SLC6A17: variants seen among roughly 807,000 people sequenced by gnomAD.
SLC6A17 encodes solute carrier family 6 member 17, also known as sodium-dependent neutral amino acid transporter SLC6A17.
A neutral mutation model predicts 64.5 loss-of-function variants in SLC6A17; 21 were observed. The observed-to-expected ratio is 0.33, with a 90% CI of 0.23 to 0.47. SLC6A17 has a LOEUF of 0.47. Among genes scored for constraint, SLC6A17 ranks in the 20% least tolerant of loss-of-function variants. SLC6A17 has a pLI of 1.00. For missense variants in SLC6A17, 682 were observed against 963.2 expected (o/e 0.71, Z 3.86); for synonymous variants, 372 against 399.5 (o/e 0.93, Z 0.82).
In SLC6A17 at chr1:110,172,153, G is replaced by A; in HGVS notation, c.380G>A (p.Gly127Asp). 1 of 1,613,126 alleles carries A rather than the reference G, an allele frequency of 6.2e-7. No homozygotes were observed. The highest frequency in any genetic ancestry group is 8.5e-7 in the Non-Finnish European group (1 of 1,179,606). The change falls in exon 3 of 12, where the codon GGC becomes GAC. Residue 127 changes from glycine to aspartate, a missense_variant. Gly to Asp is a moderately conservative substitution (Grantham distance 94, BLOSUM62 -1). Coordinates refer to ENST00000331565, the MANE Select transcript of SLC6A17 (RefSeq NM_001010898.4). ...GCTGTGGGTCAGAGGATCCGCCGCG[G>A]CAGCATCGGTGTGTGGCACTATATA... ...ELAVGQRIRR[G>D]SIGVWHYICP...
Position 110,190,621 on chromosome 1 carries a change from G to C in SLC6A17, c.865-1351G>C, listed in dbSNP as rs968951965. The stretch of plus-strand genomic sequence containing the variant: ...GTCCAACACCTCACTGTTCAGGTGA[G>C]GACTTACCCACAGGTACTCAGAAGG... On this transcript the variant is annotated intron_variant, in intron 6 of 11. Coordinates refer to ENST00000331565, the MANE Select transcript of SLC6A17 (RefSeq NM_001010898.4). 2.6e-5 allele frequency among the ~76,000 whole-genome samples: 4 copies of C among 152,192 alleles called. No individual in the cohort carries two copies. The East Asian group carries it at 7.7e-4, about 29-fold the overall frequency.
At chr1:110,160,701 G>A (rs1008892116) in intron 1 of SLC6A17, among the ~76,000 whole-genome samples, 1 of 152,236 alleles carries the variant, frequency 6.6e-6, no homozygotes, top group Non-Finnish European at 1.5e-5. Context: ...GGACCTAGAA[G>A]GCTTCAGCTG....
intron 6 of SLC6A17, among the ~76,000 whole-genome samples, chr1:110,187,765 G>A (rs1359417923): frequency 6.6e-6 from 1 of 152,148 alleles, no homozygotes; most frequent in East Asian, 1.9e-4. Flanking sequence ...ATGCCTTCCA[G>A]GCATAAGTCA....
chr1:110,161,624 T>G (rs1482298057), intron 1 of SLC6A17, among the ~76,000 whole-genome samples: 1 of 152,156 alleles, frequency 6.6e-6, no homozygotes, highest in African/African-American at 2.4e-5. Flanking sequence ...TCACCTCCCC[T>G]GGGGAGTCTA....
At chr1:110,174,695 T>C in intron 4 of SLC6A17, 84 bp from the exon 5 acceptor site, 1 of 1,536,562 alleles carries the variant, frequency 6.5e-7, no homozygotes, top group Non-Finnish European at 8.8e-7. Context: ...CCTCACCCAC[T>C]GCTGCCCTGA....
intron 6 of SLC6A17, among the ~76,000 whole-genome samples, chr1:110,186,529 G>A (rs1656689200): frequency 6.6e-6 from 1 of 151,796 alleles, no homozygotes. Flanking sequence ...GAAAGTAGAA[G>A]TTTGAAGTCC....
At chr1:110,188,767 G>A (rs1054512974) in intron 6 of SLC6A17, among the ~76,000 whole-genome samples, 12 of 152,170 alleles carry the variant, frequency 7.9e-5, no homozygotes, top group South Asian at 2.1e-4. Flanking sequence ...AGCCTTCTCC[G>A]GATACTGCCC....
intron 1 of SLC6A17, among the ~76,000 whole-genome samples, chr1:110,164,880 A>C (rs1408142607): frequency 6.6e-6 from 1 of 152,232 alleles, no homozygotes; most frequent in Non-Finnish European, 1.5e-5. Context: ...GCAGACTTGC[A>C]GGAAACTCCC....
intron 10 of SLC6A17, among the ~76,000 whole-genome samples, chr1:110,196,299 T>C (rs1656966446): frequency 1.3e-5 from 2 of 152,224 alleles, no homozygotes; most frequent in Admixed American, 1.3e-4. Context: ...CCAGGAGTTC[T>C]AGAACTAGGT....
At chr1:110,154,468 G>A (rs1238975546) in intron 1 of SLC6A17, among the ~76,000 whole-genome samples, 1 of 152,144 alleles carries the variant, frequency 6.6e-6, no homozygotes, top group Non-Finnish European at 1.5e-5. Context: ...AGGGGAAATC[G>A]GCCTGTACTA....
intron 2 of SLC6A17, among the ~76,000 whole-genome samples, chr1:110,167,991 A>G (rs1570984586): frequency 6.6e-6 from 1 of 152,132 alleles, no homozygotes; most frequent in Non-Finnish European, 1.5e-5. Context: ...CTAGGCTTGA[A>G]TCCCTCTTGA....
chr1:110,165,393 T>C (rs995413404), intron 1 of SLC6A17, among the ~76,000 whole-genome samples: 1 of 152,104 alleles, frequency 6.6e-6, no homozygotes, highest in African/African-American at 2.4e-5. Context: ...TTATAGGGAA[T>C]TCTGTGGTCC....
Position 110,199,179 on chromosome 1 carries a change from T to C in SLC6A17, c.*735T>C, listed in dbSNP as rs1657053422. On this transcript the variant is annotated 3_prime_UTR_variant, in exon 12 of 12. Coordinates refer to ENST00000331565, the MANE Select transcript of SLC6A17 (RefSeq NM_001010898.4). ...GGGGTGTGTGGTGTGTGCTCCTGCA[T>C]CTTGTCTGGGAGTGCAGTGACCGGG... 6.5e-6 allele frequency: 1 copy of C among 152,718 alleles called. No homozygotes were observed. Among genetic ancestry groups the C allele is most frequent in the Middle Eastern group, 3.4e-3 (1 of 294 alleles). 9.5% of individuals were successfully genotyped at this position (152,718 alleles called of 1,614,324 possible).
At chr1:110,194,150 G>C (rs1203277634) in intron 8 of SLC6A17, among the ~76,000 whole-genome samples, 1 of 152,220 alleles carries the variant, frequency 6.6e-6, no homozygotes, top group Admixed American at 6.5e-5. Flanking sequence ...GCTCCGGTGT[G>C]CTTCCATTGA....
At chr1:110,178,070 A>G (rs139261201) in intron 6 of SLC6A17, 1 of 152,254 alleles carries the variant, frequency 6.6e-6, no homozygotes, top group Non-Finnish European at 1.5e-5. Flanking sequence ...GACAAAGAAA[A>G]AATAAAAAAC....
intron 2 of SLC6A17, chr1:110,168,125 A>G (rs1016030726): frequency 6.6e-6 from 1 of 152,264 alleles, no homozygotes; most frequent in Non-Finnish European, 1.5e-5. Flanking sequence ...ATAGGCTGGA[A>G]ACAAAGAGTT....
Position 110,198,175 on chromosome 1 carries a change from C to T in SLC6A17, c.1915C>T (p.Arg639Trp), listed in dbSNP as rs1198247401. Residue 639 changes from arginine to tryptophan, a missense_variant, in exon 12 of 12, where the codon CGG becomes TGG. Coordinates refer to ENST00000331565, the MANE Select transcript of SLC6A17 (RefSeq NM_001010898.4). ...TLPIPVVFVLRHFHLLSDGSN... is the reference protein window; with the variant it reads ...TLPIPVVFVLWHFHLLSDGSN... ...GCCCATCCCTGTGGTGTTCGTCCTG[C>T]GGCACTTCCACCTGCTCTCTGATGG... The T allele has an allele frequency of 3.1e-6, 5 of 1,614,048 alleles. No homozygotes were observed. Among genetic ancestry groups the T allele is most frequent in the Admixed American group, 1.7e-5 (1 of 60,010 alleles).
intron 6 of SLC6A17, 25 bp downstream of exon 6, chr1:110,176,764 C>A: frequency 6.3e-7 from 1 of 1,593,412 alleles, no homozygotes; most frequent in Non-Finnish European, 8.6e-7. Flanking sequence ...CTCCCACATG[C>A]CAGGGAACAG....
chr1:110,153,278 G>A (rs1376446270), intron 1 of SLC6A17, among the ~76,000 whole-genome samples: 5 of 152,178 alleles, frequency 3.3e-5, no homozygotes, highest in Admixed American at 3.3e-4. Context: ...TAATAGAATT[G>A]AAAGTTACAA....
Sources: gnomAD v4.1 joint callset for allele counts (sites outside exome capture counted in the v4.1 genomes callset) on GRCh38, gnomAD v4.1.1 for gene constraint, MANE v1.5 for transcripts, NCBI Gene and HGNC (gene_info 2026-07-23, HGNC 2026-07-21) for gene names.